Variants in SATB2 observed in about 807,000 individuals in gnomAD.
SATB2 encodes DNA-binding protein SATB2.
A neutral mutation model predicts 73.4 loss-of-function variants in SATB2; 1 was observed. The ratio of observed to expected loss-of-function variants is 0.01; its 90% CI spans 0.00 to 0.06. The LOEUF (loss-of-function observed/expected upper bound fraction) is 0.06, where lower values mean the gene tolerates loss of function less well. Ranked by LOEUF, SATB2 falls within the 10% of genes least tolerant of loss-of-function variation. The probability of loss-of-function intolerance (pLI) is 1.00; values close to 1 mark genes in which losing one functional copy is unlikely to be tolerated. For missense variants in SATB2, 459 were observed against 945.8 expected, an observed-to-expected ratio of 0.49 and a Z score of 6.75; for synonymous variants, 397 against 367.0, an observed-to-expected ratio of 1.08 and a Z score of -0.93.
Position 199,269,695 on chromosome 2 carries a change from C to CAT in SATB2, c.*2515_*2516insAT, listed in dbSNP as rs374777812. 2 of 30,370 alleles carry CAT rather than the reference C, an allele frequency of 6.6e-5. No individual in the cohort carries two copies. Among genetic ancestry groups the CAT allele is most frequent in the African/African-American group, 7.3e-5 (1 of 13,784 alleles). The allele number at this position is 30,370 out of a possible 1,614,324, so 1.9% of individuals were successfully genotyped here. ...AAAACACAATTTGTTTTTTTCATTT[C>CAT]ACAAAAAAAAAAAAAGGCGGGAAAT... On this transcript the variant is annotated 3_prime_UTR_variant, in exon 11 of 11. Coordinates refer to ENST00000417098, the MANE Select transcript of SATB2 (RefSeq NM_001172509.2).
chr2:199,462,937 C>G (rs893099493), upstream of SATB2, among the ~76,000 whole-genome samples: 2 of 152,240 alleles, frequency 1.3e-5, no homozygotes, highest in African/African-American at 4.8e-5. This position sits in a 1 kb window ranked among gnomAD's most constrained non-coding sequence, Gnocchi z 5.9. Context: ...GGAGCTGCCT[C>G]AGGCGAGGAC....
At chr2:199,428,800 A>C (rs559656007) in intron 3 of SATB2, among the ~76,000 whole-genome samples, 1 of 152,258 alleles carries the variant, frequency 6.6e-6, no homozygotes, top group East Asian at 1.9e-4. Context: ...GGGAGGCTGA[A>C]GCAGGAGAAT....
chr2:199,318,262 G>T (rs1325485793), intron 9 of SATB2, among the ~76,000 whole-genome samples: 1 of 151,966 alleles, frequency 6.6e-6, no homozygotes, highest in Non-Finnish European at 1.5e-5. Flanking sequence ...AGGGCCCTAA[G>T]TTATCCCAGC....
intron 6 of SATB2, among the ~76,000 whole-genome samples, chr2:199,367,366 C>G (rs1424688027): frequency 6.6e-6 from 1 of 152,118 alleles, no homozygotes; most frequent in African/African-American, 2.4e-5. Context: ...CTTAATTTCT[C>G]CTGGGTAGCT....
At chr2:199,400,429 A>G (rs969134526) in intron 3 of SATB2, among the ~76,000 whole-genome samples, 1 of 152,212 alleles carries the variant, frequency 6.6e-6, no homozygotes, top group Non-Finnish European at 1.5e-5. Context: ...AGGGCCAACT[A>G]TGAGCCAGGT....
chr2:199,361,488 C>G (rs1447789568), intron 6 of SATB2, among the ~76,000 whole-genome samples: 1 of 151,914 alleles, frequency 6.6e-6, no homozygotes, highest in Non-Finnish European at 1.5e-5. Flanking sequence ...CTACTTCCAC[C>G]AGGTGTACAC....
At chr2:199,289,532 G>C (rs10190192) in intron 10 of SATB2, among the ~76,000 whole-genome samples, 2 of 152,202 alleles carry the variant, frequency 1.3e-5, no homozygotes, top group Non-Finnish European at 2.9e-5. Flanking sequence ...ACACAACGTT[G>C]CCTTGGCTTT....
chr2:199,434,254 C>T (rs566475310), intron 2 of SATB2, among the ~76,000 whole-genome samples: 1 of 152,136 alleles, frequency 6.6e-6, no homozygotes, highest in East Asian at 1.9e-4. Context: ...TATACATTAA[C>T]ATCAGTTACT....
intron 4 of SATB2, among the ~76,000 whole-genome samples, chr2:199,380,768 G>A (rs1385151451): frequency 6.6e-6 from 1 of 152,126 alleles, no homozygotes; most frequent in Non-Finnish European, 1.5e-5. Context: ...CCAATGTGCT[G>A]GTGGAAATGG....
intron 7 of SATB2, among the ~76,000 whole-genome samples, chr2:199,337,512 AT>A (rs1252315934): frequency 6.6e-6 from 1 of 152,174 alleles, no homozygotes; most frequent in Non-Finnish European, 1.5e-5. Context: ...TCCATGAAGG[AT>A]TTTTTTCTTT....
intron 7 of SATB2, among the ~76,000 whole-genome samples, chr2:199,345,274 C>A (rs913269402): frequency 6.6e-6 from 1 of 152,038 alleles, no homozygotes. Context: ...CTCATATTTT[C>A]TTTTTCTTTT....
chr2:199,287,084 T>A (rs13415419), intron 10 of SATB2, among the ~76,000 whole-genome samples: 18,025 of 152,108 alleles, frequency 0.12, 1,176 homozygotes, highest in South Asian at 0.19. Context: ...GTGCAAAGGG[T>A]TCAGATTAAG....
chr2:199,425,024 C>T (rs1300980153), intron 3 of SATB2, among the ~76,000 whole-genome samples: 1 of 152,182 alleles, frequency 6.6e-6, no homozygotes, highest in Non-Finnish European at 1.5e-5. Context: ...ATTCAGCAAA[C>T]AACTCTATTT....
rs1043424386 is a variant in SATB2, at chr2:199,455,495, C to T, written c.169+374G>A. Among the ~76,000 whole-genome samples the T allele has an allele frequency of 6.6e-6, 1 of 152,168 alleles. No individual in the cohort carries two copies. The highest frequency in any genetic ancestry group is 2.4e-5 in the African/African-American group (1 of 41,436). On this transcript the variant is annotated intron_variant, in intron 2 of 10. Transcript: ENST00000417098. The surrounding 1 kb of genome is among the most constrained non-coding windows in gnomAD (Gnocchi z 4.1). ...CTGAGCATTAATGACTATTTTATTC[C>T]CTAAAAGCGAACGCACGTGAACTTC...
upstream of SATB2, chr2:199,458,579 G>C (rs1227461127): frequency 2.3e-6 from 1 of 427,804 alleles, no homozygotes; most frequent in Non-Finnish European, 4.6e-6. Context: ...CCAGCCCCTA[G>C]GCGCACTCGT....
intron 2 of SATB2, among the ~76,000 whole-genome samples, chr2:199,435,773 T>A (rs1212938758): frequency 1.3e-5 from 2 of 152,178 alleles, no homozygotes; most frequent in Non-Finnish European, 2.9e-5. Context: ...CTGCCCTCAA[T>A]GTAGTTAAAG....
chr2:199,381,920 C>T, intron 3 of SATB2, 100 bp from the exon 4 acceptor site: 1 of 1,336,800 alleles, frequency 7.5e-7, no homozygotes, highest in South Asian at 1.2e-5. Flanking sequence ...CATCAACATC[C>T]AAGGCCCACT....
At chr2:199,391,870 G>A (rs1205762533) in intron 3 of SATB2, among the ~76,000 whole-genome samples, 1 of 152,178 alleles carries the variant, frequency 6.6e-6, no homozygotes, top group Admixed American at 6.5e-5. Flanking sequence ...AACTGTGGTA[G>A]AGTTAGAGGC....
At chr2:199,428,479 G>A (rs900324991) in intron 3 of SATB2, among the ~76,000 whole-genome samples, 15 of 152,132 alleles carry the variant, frequency 9.9e-5, no homozygotes, top group African/African-American at 3.6e-4. Context: ...TTCACAGGAC[G>A]GCTGTGTGGT....
Sources: gnomAD v4.1 joint callset for allele counts (sites outside exome capture counted in the v4.1 genomes callset) on GRCh38, gnomAD v4.1.1 for gene constraint, Gnocchi (gnomAD v3.1) non-coding constraint, MANE v1.5 for transcripts, NCBI Gene and HGNC (gene_info 2026-07-23, HGNC 2026-07-21) for gene names.